Variants in EPHA5 observed in about 807,000 individuals in gnomAD.
The protein encoded by EPHA5 is ephrin type-A receptor 5.
In EPHA5, 60 loss-of-function variants were observed where a neutral mutation model predicts 105.0. The observed-to-expected ratio is 0.57, with a 90% confidence interval of 0.46 to 0.71. The LOEUF (loss-of-function observed/expected upper bound fraction) is 0.71. Among genes scored for constraint, EPHA5 ranks in the 30% least tolerant of loss-of-function variants. The pLI is 0.00. For synonymous variants in EPHA5, 513 were observed against 449.1 expected (o/e 1.14, Z -1.80); for missense variants, 1,218 against 1,274.7 (o/e 0.96, Z 0.68).
At chr4:65,523,436 A>G (rs911093308) in intron 3 of EPHA5, among the ~76,000 whole-genome samples, 6 of 152,016 alleles carry the variant, frequency 3.9e-5, no homozygotes, top group African/African-American at 7.2e-5. Flanking sequence ...TAATTTTTCC[A>G]TAGTTCTTTG....
intron 7 of EPHA5, among the ~76,000 whole-genome samples, chr4:65,408,526 G>A (rs1032470090): frequency 1.7e-4 from 25 of 150,640 alleles, no homozygotes; most frequent in South Asian, 4.3e-4. Context: ...AAAAGTGGGC[G>A]AAGGACATGA....
chr4:65,366,666 G>A (rs1004318943), intron 9 of EPHA5, among the ~76,000 whole-genome samples: 5 of 151,742 alleles, frequency 3.3e-5, no homozygotes, highest in East Asian at 3.9e-4. Flanking sequence ...AATAAGATAC[G>A]ATTAGGAAAT....
At chr4:65,504,793 G>C (rs185005964) in intron 3 of EPHA5, among the ~76,000 whole-genome samples, 235 of 151,950 alleles carry the variant, frequency 1.5e-3, no homozygotes, top group African/African-American at 5.5e-3. Flanking sequence ...TTCTTCAAAG[G>C]TTTCTAGGAA....
chr4:65,428,120 T>A (rs1724626978), intron 5 of EPHA5, among the ~76,000 whole-genome samples: 1 of 152,098 alleles, frequency 6.6e-6, no homozygotes, highest in Non-Finnish European at 1.5e-5. Flanking sequence ...TTGCTATCTT[T>A]GTTTTGGGGT....
chr4:65,328,962 T>C (rs1200850851), intron 16 of EPHA5, among the ~76,000 whole-genome samples: 2 of 151,342 alleles, frequency 1.3e-5, no homozygotes, highest in Non-Finnish European at 3.0e-5. Flanking sequence ...TAACTGATGA[T>C]AACAGGAACC....
chr4:65,331,805 A>G (rs1720643936), intron 16 of EPHA5, 168 bp downstream of exon 16: 7 of 1,288,270 alleles, frequency 5.4e-6, no homozygotes, highest in Non-Finnish European at 6.9e-6. Flanking sequence ...CACATGTAGC[A>G]TTAACCATGC....
At chr4:65,609,913 T>C (rs191530551) in intron 2 of EPHA5, among the ~76,000 whole-genome samples, 1 of 152,170 alleles carries the variant, frequency 6.6e-6, no homozygotes. Flanking sequence ...GTATTTATTA[T>C]GTATTTATTG....
At chr4:65,382,680 G>A (rs1023762337) in intron 8 of EPHA5, among the ~76,000 whole-genome samples, 1 of 151,666 alleles carries the variant, frequency 6.6e-6, no homozygotes, top group Non-Finnish European at 1.5e-5. Context: ...AATCAACAAG[G>A]AAGCTTAAAA....
At chr4:65,507,666 T>C (rs1733188489) in intron 3 of EPHA5, among the ~76,000 whole-genome samples, 1 of 152,126 alleles carries the variant, frequency 6.6e-6, no homozygotes, top group Admixed American at 6.6e-5. Flanking sequence ...TTCCTCCCTA[T>C]TTGTCTGTTA....
At position 65,579,149 on chromosome 4, in the gene EPHA5, A is replaced by G. The variant is rs548998729; in HGVS notation, c.910+22492T>C. Among the ~76,000 whole-genome samples, 12 of 151,692 alleles carry G rather than the reference A, an allele frequency of 7.9e-5. No individual in the cohort carries two copies. In the East Asian group the frequency reaches 2.1e-3, roughly 27 times the overall value. On this transcript the variant is annotated intron_variant, in intron 3 of 16. Transcript: ENST00000613740. ...AAAAATGTTTAAATATTATTCAAAA[A>G]GGCTTATGGAAATTATATTTTCTTC...
intron 1 of EPHA5, among the ~76,000 whole-genome samples, chr4:65,650,196 A>T (rs1301340627): frequency 1.3e-5 from 2 of 152,122 alleles, no homozygotes; most frequent in Non-Finnish European, 2.9e-5. Flanking sequence ...TCTATACAGA[A>T]GTAAAAATAA....
chr4:65,439,892 A>G (rs1188577716), intron 5 of EPHA5, among the ~76,000 whole-genome samples: 1 of 152,148 alleles, frequency 6.6e-6, no homozygotes, highest in Non-Finnish European at 1.5e-5. Context: ...AAAGCAAAAA[A>G]AAATTTGTTT....
intron 16 of EPHA5, among the ~76,000 whole-genome samples, chr4:65,325,313 T>C (rs1163362234): frequency 6.6e-6 from 1 of 151,408 alleles, no homozygotes; most frequent in Non-Finnish European, 1.5e-5. Context: ...AAAGAAACTC[T>C]TAATTATCAG....
intron 3 of EPHA5, among the ~76,000 whole-genome samples, chr4:65,538,516 A>G (rs1736512948): frequency 6.6e-6 from 1 of 151,724 alleles, no homozygotes; most frequent in Non-Finnish European, 1.5e-5. Flanking sequence ...TCTAGAAGTC[A>G]CCCCGTATGG....
chr4:65,390,242 C>T (rs988027465), intron 8 of EPHA5, among the ~76,000 whole-genome samples: 1 of 151,946 alleles, frequency 6.6e-6, no homozygotes, highest in Non-Finnish European at 1.5e-5. Flanking sequence ...TTTAACCTCC[C>T]ATTAACTTCA....
intron 1 of EPHA5, among the ~76,000 whole-genome samples, chr4:65,647,591 C>T (rs1315973513): frequency 2.0e-5 from 3 of 151,986 alleles, no homozygotes. Flanking sequence ...GGAGAACCCA[C>T]TAATGAATAT....
At chr4:65,616,810 A>G (rs1021329850) in intron 2 of EPHA5, among the ~76,000 whole-genome samples, 4 of 152,072 alleles carry the variant, frequency 2.6e-5, no homozygotes, top group Non-Finnish European at 4.4e-5. Context: ...TATTGCTTAA[A>G]TTATTTACTA....
At chr4:65,412,734 A>C (rs1450392529) in intron 7 of EPHA5, among the ~76,000 whole-genome samples, 1 of 152,144 alleles carries the variant, frequency 6.6e-6, no homozygotes, top group Non-Finnish European at 1.5e-5. Flanking sequence ...GTAAACAGGA[A>C]ATGATTAAGT....
At chr4:65,395,948 A>G (rs1400163549) in intron 8 of EPHA5, among the ~76,000 whole-genome samples, 5 of 152,196 alleles carry the variant, frequency 3.3e-5, no homozygotes, top group African/African-American at 1.2e-4. Context: ...GAGCCAGCAG[A>G]AGATGTCAAT....
Sources: allele counts gnomAD v4.1 joint callset (sites outside exome capture counted in the v4.1 genomes callset), GRCh38; gene constraint gnomAD v4.1.1; transcripts MANE v1.5; gene names NCBI Gene and HGNC (gene_info 2026-07-23, HGNC 2026-07-21).